Variants in EXOC2 observed in about 807,000 individuals in gnomAD.
EXOC2 encodes the protein SEC5-like 1.
A neutral mutation model predicts 131.8 loss-of-function variants in EXOC2; 70 were observed. The observed-to-expected ratio is 0.53, with a 90% CI of 0.44 to 0.65. The LOEUF is 0.65. EXOC2 is among the 30% of genes least tolerant of loss of function. EXOC2 has a pLI of 0.00. For synonymous variants in EXOC2, 411 were observed against 398.4 expected (o/e 1.03, Z -0.38); for missense variants, 923 against 1,108.6 (o/e 0.83, Z 2.38).
chr6:646,457 T>C (rs1762583406), intron 1 of EXOC2, among the ~76,000 whole-genome samples: 1 of 152,108 alleles, frequency 6.6e-6, no homozygotes, highest in African/African-American at 2.4e-5. Context: ...CTTTTACTAT[T>C]CTGGAAAGTT....
chr6:485,205 A>G lies in EXOC2; in HGVS notation c.*1466T>C, dbSNP rs923392663. On this transcript the variant is annotated 3_prime_UTR_variant, in exon 28 of 28. Transcript: ENST00000230449. ...ATGTGCTGTAGTAGATATTTAAAATATCACAAACATTCATGATTGCAGTTT... is the reference window on the plus strand; with the variant it reads ...ATGTGCTGTAGTAGATATTTAAAATGTCACAAACATTCATGATTGCAGTTT... 25 of 152,256 alleles carry G rather than the reference A, an allele frequency of 1.6e-4. No homozygotes were observed. The highest frequency in any genetic ancestry group is 5.8e-4 in the African/African-American group (24 of 41,472). 9.4% of individuals were successfully genotyped at this position (152,256 alleles called of 1,614,324 possible).
At chr6:575,027 G>C (rs912357756) in intron 12 of EXOC2, among the ~76,000 whole-genome samples, 1 of 152,364 alleles carries the variant, frequency 6.6e-6, no homozygotes. Flanking sequence ...GCCTTTGATC[G>C]ATTTGGATGT....
intron 2 of EXOC2, among the ~76,000 whole-genome samples, chr6:634,449 G>T (rs1385839791): frequency 1.3e-5 from 2 of 152,052 alleles, no homozygotes; most frequent in Non-Finnish European, 2.9e-5. Context: ...TTTAGCAATG[G>T]CAATGTTTTC....
At chr6:656,554 C>T (rs750302587) in intron 1 of EXOC2, 1 of 1,596,104 alleles carries the variant, frequency 6.3e-7, no homozygotes, top group South Asian at 1.1e-5. Flanking sequence ...ACGGGCAGAT[C>T]GTGCACCACG....
intron 26 of EXOC2, among the ~76,000 whole-genome samples, chr6:489,881 A>G (rs914717623): frequency 1.3e-5 from 2 of 152,208 alleles, no homozygotes; most frequent in Admixed American, 6.5e-5. Context: ...CAACAGAGAG[A>G]AAGACTGAAA....
At chr6:692,407 C>T (rs1391763180) in intron 1 of EXOC2, among the ~76,000 whole-genome samples, 3 of 152,234 alleles carry the variant, frequency 2.0e-5, no homozygotes, top group Non-Finnish European at 4.4e-5. Context: ...AGCCGGCGCG[C>T]AAGGTCTCAA....
chr6:528,098 C>T (rs754803838), intron 23 of EXOC2, among the ~76,000 whole-genome samples: 13 of 152,034 alleles, frequency 8.6e-5, no homozygotes, highest in Non-Finnish European at 1.8e-4. Context: ...TCTTTACTGA[C>T]ATATACACAA....
At chr6:525,622 C>A (rs548419739) in intron 23 of EXOC2, 1 of 152,252 alleles carries the variant, frequency 6.6e-6, no homozygotes, top group South Asian at 2.1e-4. Context: ...TTTTTCATTT[C>A]TTTAAAATAT....
intron 3 of EXOC2, among the ~76,000 whole-genome samples, chr6:631,502 C>T (rs1380473355): frequency 2.0e-5 from 3 of 151,892 alleles, no homozygotes; most frequent in African/African-American, 7.3e-5. Context: ...TGAGATCGCG[C>T]CATTGCACTC....
At chr6:609,003 A>C (rs1760577699) in intron 7 of EXOC2, among the ~76,000 whole-genome samples, 1 of 152,226 alleles carries the variant, frequency 6.6e-6, no homozygotes, top group Non-Finnish European at 1.5e-5. Context: ...AAAGATAAAA[A>C]CAAGGGAAGA....
At chr6:535,399 G>A (rs192259955) in intron 22 of EXOC2, among the ~76,000 whole-genome samples, 1 of 151,830 alleles carries the variant, frequency 6.6e-6, no homozygotes, top group Non-Finnish European at 1.5e-5. Context: ...AATTAAAAAG[G>A]AATAACAACA....
intron 21 of EXOC2, among the ~76,000 whole-genome samples, chr6:553,409 G>GTGTGTGTA (rs1262734341): frequency 6.6e-6 from 1 of 151,540 alleles, no homozygotes; most frequent in African/African-American, 2.4e-5. Flanking sequence ...GTGTGTGTGT[G>GTGTGTGTA]TGTGTGTATC....
intron 15 of EXOC2, 117 bp downstream of exon 15, chr6:564,428 G>T (rs1013390266): frequency 1.4e-5 from 19 of 1,393,914 alleles, no homozygotes; most frequent in Non-Finnish European, 1.8e-5. Flanking sequence ...AACAGTGGAG[G>T]CAAAAGGACA....
chr6:658,645 T>A (rs1431330996), intron 1 of EXOC2, among the ~76,000 whole-genome samples: 28 of 118,338 alleles, frequency 2.4e-4, no homozygotes, highest in East Asian at 2.1e-3. Flanking sequence ...TATATATATT[T>A]TATATATATA....
In EXOC2 at chr6:576,806, C is replaced by G. The variant is rs754663525; in HGVS notation, c.1269G>C (p.Gln423His). The G allele has an allele frequency of 4.3e-6, 7 of 1,614,134 alleles. No individual in the cohort carries two copies. The highest frequency in any genetic ancestry group is 5.9e-6 in the Non-Finnish European group (7 of 1,180,020). ...TRPSVLGHLS[Q>H]TASLKRGSSF... ...TGCTGCCCCTCTTCAGGGACGCTGTCTGACTGAGATGGCCCAACACTGAGG... is the reference window on the plus strand; with the variant it reads ...TGCTGCCCCTCTTCAGGGACGCTGTGTGACTGAGATGGCCCAACACTGAGG... Residue 423 changes from glutamine (Q) to histidine (H), a missense_variant, in exon 12 of 28, where the codon CAG becomes CAC. Coordinates refer to ENST00000230449, the MANE Select transcript of EXOC2 (RefSeq NM_018303.6).
Position 576,743 on chromosome 6 carries a change from A to G in EXOC2, c.1318+14T>C, listed in dbSNP as rs1320524152. The G allele has an allele frequency of 6.2e-7, 1 of 1,611,682 alleles. No homozygotes were observed. On this transcript the variant is annotated intron_variant, in intron 12 of 27. Coordinates refer to ENST00000230449, the MANE Select transcript of EXOC2 (RefSeq NM_018303.6). ...AATTTAAAAGACCCAGTGGCAGTGG[A>G]GGGAGATACTTACTGTCGTCTCGAC...
intron 1 of EXOC2, among the ~76,000 whole-genome samples, chr6:687,926 T>A (rs1410025448): frequency 6.6e-6 from 1 of 152,244 alleles, no homozygotes; most frequent in Non-Finnish European, 1.5e-5. Flanking sequence ...TGTCTGTCTC[T>A]AAGCATGTAT....
chr6:662,360 C>T (rs1019973729), intron 1 of EXOC2, among the ~76,000 whole-genome samples: 7 of 152,166 alleles, frequency 4.6e-5, no homozygotes, highest in Non-Finnish European at 7.3e-5. Flanking sequence ...ACATTCTATT[C>T]AACAGCACAT....
chr6:688,396 G>C (rs772174974), intron 1 of EXOC2, among the ~76,000 whole-genome samples: 10 of 152,148 alleles, frequency 6.6e-5, no homozygotes, highest in Non-Finnish European at 1.3e-4. Flanking sequence ...AGAGAGTTGA[G>C]ACTGCCCAAG....
Sources: allele counts gnomAD v4.1 joint callset (sites outside exome capture counted in the v4.1 genomes callset), GRCh38; gene constraint gnomAD v4.1.1; transcripts MANE v1.5; gene names NCBI Gene and HGNC (gene_info 2026-07-23, HGNC 2026-07-21).